Variants in PAK1 observed in about 807,000 individuals in gnomAD.
PAK1 encodes serine/threonine-protein kinase PAK 1.
Under a neutral mutation model 67.4 loss-of-function variants are expected in PAK1, and 29 were observed. The ratio of observed to expected loss-of-function variants is 0.43; its 90% confidence interval spans 0.32 to 0.59. PAK1 has a LOEUF of 0.59. PAK1 is among the 20% of genes least tolerant of loss of function. The pLI, the probability that PAK1 is intolerant of heterozygous loss-of-function variation, is 0.07. For missense variants in PAK1, 337 were observed against 670.7 expected (o/e 0.50, Z 5.50); for synonymous variants, 223 against 237.4 (o/e 0.94, Z 0.56).
the PAK1 span, among the ~76,000 whole-genome samples, chr11:77,493,160 C>T: frequency 3.3e-5 from 5 of 151,942 alleles, no homozygotes; most frequent in Non-Finnish European, 4.4e-5. Flanking sequence ...GATGGTGTCT[C>T]GCTCTGTTGC....
intron 8 of PAK1, among the ~76,000 whole-genome samples, chr11:77,351,339 A>G (rs1591838371): frequency 6.6e-6 from 1 of 150,734 alleles, no homozygotes; most frequent in African/African-American, 2.4e-5. Context: ...AAAGTTCTGG[A>G]GGTAAAAGGT....
At chr11:77,396,199 T>C (rs960315453) in intron 1 of PAK1, among the ~76,000 whole-genome samples, 4 of 152,244 alleles carry the variant, frequency 2.6e-5, no homozygotes, top group African/African-American at 4.8e-5. Flanking sequence ...GAGATTCCAT[T>C]ATTACTTAAA....
intron 13 of PAK1, among the ~76,000 whole-genome samples, chr11:77,333,194 C>CTTTTTTT (rs886805892): frequency 2.5e-4 from 32 of 127,150 alleles, no homozygotes; most frequent in East Asian, 4.2e-4. Flanking sequence ...TCTTCTTCTT[C>CTTTTTTT]TTTTTTTTTT....
At chr11:77,331,351 C>T (rs1941469389) in intron 14 of PAK1, among the ~76,000 whole-genome samples, 2 of 152,168 alleles carry the variant, frequency 1.3e-5, no homozygotes, top group South Asian at 4.1e-4. Context: ...TTTATAGTGG[C>T]ACTATTCACA....
At chr11:77,325,800 C>T (rs1350348812) in intron 14 of PAK1, among the ~76,000 whole-genome samples, 3 of 152,298 alleles carry the variant, frequency 2.0e-5, no homozygotes, top group East Asian at 3.9e-4. Context: ...TAATCAGTAA[C>T]CTCAATTACA....
chr11:77,368,546 C>T (rs933793773), intron 5 of PAK1, among the ~76,000 whole-genome samples: 7 of 152,086 alleles, frequency 4.6e-5, no homozygotes, highest in African/African-American at 7.2e-5. Flanking sequence ...AATACCAACA[C>T]AAAAATGCAA....
Position 77,322,924 on chromosome 11 carries a change from A to T in PAK1, c.*350T>A. The T allele has an allele frequency of 1.7e-6, 1 of 572,554 alleles. No homozygotes were observed. The highest frequency in any genetic ancestry group is 3.1e-6 in the Non-Finnish European group (1 of 324,762). 35.5% of individuals were successfully genotyped at this position (572,554 alleles called of 1,614,324 possible). On this transcript the variant is annotated 3_prime_UTR_variant, in exon 15 of 15. Coordinates refer to ENST00000356341, the MANE Select transcript of PAK1 (RefSeq NM_002576.5). Reference sequence around the variant, plus strand: ...GATAATATTATCAAACCATAAATTTATATAGTCAAGAATTAATTGTGGGAG... The same window carrying T: ...GATAATATTATCAAACCATAAATTTTTATAGTCAAGAATTAATTGTGGGAG...
At chr11:77,388,129 CTA>C (rs1950679805) in intron 2 of PAK1, among the ~76,000 whole-genome samples, 1 of 152,178 alleles carries the variant, frequency 6.6e-6, no homozygotes, top group African/African-American at 2.4e-5. Context: ...TTTTCTACCT[CTA>C]TGTTTTCAGC....
chr11:77,443,843 C>G (rs551095338), intron 1 of PAK1, among the ~76,000 whole-genome samples: 1 of 152,154 alleles, frequency 6.6e-6, no homozygotes, highest in Non-Finnish European at 1.5e-5. Flanking sequence ...GAATTCTGAA[C>G]CTGTCTAGGG....
At chr11:77,417,534 G>A (rs950018410) in intron 1 of PAK1, among the ~76,000 whole-genome samples, 1 of 152,138 alleles carries the variant, frequency 6.6e-6, no homozygotes, top group Non-Finnish European at 1.5e-5. Flanking sequence ...AAACTATACT[G>A]TATGATACTA....
rs372793075 is a variant in PAK1, at chr11:77,406,198, G to A, written c.-21-13657C>T. On this transcript the variant is annotated intron_variant, in intron 1 of 14. Transcript: ENST00000356341. ...TCATGGCTTTACATATTATTAATAC[G>A]TTGATAATGCCCAAGTTTTGATCTC... is the stretch of plus-strand genomic sequence containing the variant. Among the ~76,000 whole-genome samples, 26 of 152,118 alleles carry A rather than the reference G, an allele frequency of 1.7e-4. No homozygotes were observed. The East Asian group carries it at 3.1e-3, about 18-fold the overall frequency.
At chr11:77,510,897 C>T in the PAK1 span, among the ~76,000 whole-genome samples, 3 of 152,180 alleles carry the variant, frequency 2.0e-5, no homozygotes, top group Non-Finnish European at 4.4e-5. Context: ...GTGATCTCCC[C>T]TTCCTCCAGC....
At chr11:77,456,625 T>C (rs11237193) in intron 1 of PAK1, among the ~76,000 whole-genome samples, 37,369 of 152,220 alleles carry the variant, frequency 0.25, 5,675 homozygotes, top group South Asian at 0.45. Context: ...ATGATAATGA[T>C]AGCCGACATT....
At chr11:77,349,873 A>G (rs572223561) in intron 8 of PAK1, among the ~76,000 whole-genome samples, 3 of 152,160 alleles carry the variant, frequency 2.0e-5, no homozygotes, top group East Asian at 3.9e-4. Context: ...GTGGGCCAGC[A>G]TATCTTATTT....
intron 1 of PAK1, among the ~76,000 whole-genome samples, chr11:77,417,829 G>T (rs544841282): frequency 4.0e-5 from 6 of 151,432 alleles, no homozygotes; most frequent in South Asian, 2.1e-4. Flanking sequence ...CCACCTCCCC[G>T]GTTCAAGCAA....
In PAK1 at chr11:77,418,977, G is replaced by A. The variant is rs1592400335; in HGVS notation, c.-21-26436C>T. 3.9e-5 allele frequency among the ~76,000 whole-genome samples: 6 copies of A among 152,332 alleles called. No homozygotes were observed. In the South Asian group the frequency reaches 1.2e-3, roughly 32 times the overall value. On this transcript the variant is annotated intron_variant, in intron 1 of 14. Coordinates refer to ENST00000356341, the MANE Select transcript of PAK1 (RefSeq NM_002576.5). The stretch of plus-strand genomic sequence containing the variant: ...GCAGAACCACTAATATCTTCAGCGG[G>A]AAGGATCAAATTCAGACATCTTCTA...
At chr11:77,331,107 A>C (rs998081644) in intron 14 of PAK1, among the ~76,000 whole-genome samples, 5 of 152,228 alleles carry the variant, frequency 3.3e-5, no homozygotes, top group African/African-American at 1.2e-4. Context: ...ACCAGTTAGA[A>C]TGGCGATCAT....
intron 9 of PAK1, 93 bp downstream of exon 9, chr11:77,349,146 G>C: frequency 3.1e-6 from 2 of 646,290 alleles, no homozygotes; most frequent in Non-Finnish European, 5.3e-6. Flanking sequence ...AAAAAACCTA[G>C]AACTGTTCCT....
chr11:77,379,811 AG>A (rs1249518391), intron 3 of PAK1, 82 bp downstream of exon 3: 4 of 916,438 alleles, frequency 4.4e-6, no homozygotes, highest in East Asian at 2.4e-5. Context: ...TAGAAGCATC[AG>A]GAAGATGAGA....
Sources: gnomAD v4.1 joint callset for allele counts (sites outside exome capture counted in the v4.1 genomes callset) on GRCh38, gnomAD v4.1.1 for gene constraint, MANE v1.5 for transcripts, NCBI Gene and HGNC (gene_info 2026-07-23, HGNC 2026-07-21) for gene names.